Variants in GYG1 observed in about 807,000 individuals in gnomAD.
GYG1 encodes glycogenin-1.
In GYG1, 44 loss-of-function variants were observed where a neutral mutation model predicts 41.9. That is an observed-to-expected ratio of 1.05 (90% confidence interval 0.83 to 1.35). The LOEUF is 1.35. Among genes scored for constraint, GYG1 ranks in the 40% most tolerant of loss-of-function variants. The probability of loss-of-function intolerance (pLI) is 0.00; values close to 1 mark genes in which losing one functional copy is unlikely to be tolerated. For missense variants in GYG1, 429 were observed against 418.9 expected (o/e 1.02, Z -0.21); for synonymous variants, 141 against 158.1 (o/e 0.89, Z 0.81).
At chr3:149,016,204 T>C (rs1388162366) in intron 5 of GYG1, among the ~76,000 whole-genome samples, 1 of 134,410 alleles carries the variant, frequency 7.4e-6, no homozygotes, top group Non-Finnish European at 1.5e-5. Flanking sequence ...GAGCTTGCAG[T>C]GAGCCGAGAT....
chr3:149,002,066 C>T (rs565762378), intron 4 of GYG1, among the ~76,000 whole-genome samples: 6 of 152,296 alleles, frequency 3.9e-5, no homozygotes, highest in Non-Finnish European at 7.4e-5. Context: ...CACAGTTCAT[C>T]GTCTTGCAGT....
intron 4 of GYG1, among the ~76,000 whole-genome samples, chr3:149,003,112 TA>T (rs1033301791): frequency 7.9e-5 from 9 of 114,384 alleles, no homozygotes; most frequent in African/African-American, 3.1e-4. Flanking sequence ...TATTTTACTA[TA>T]ATTTTTTTTT....
intron 4 of GYG1, chr3:149,001,294 A>G (rs1713083336): frequency 6.6e-6 from 1 of 152,184 alleles, no homozygotes; most frequent in Admixed American, 6.5e-5. Context: ...GTTCTCTTGC[A>G]TTTGTGTCAT....
chr3:149,026,723 T>G, intron 7 of GYG1, 37 bp from the exon 8 acceptor site: 3 of 1,421,328 alleles, frequency 2.1e-6, no homozygotes, highest in Non-Finnish European at 3.0e-6. Flanking sequence ...AGTTTGATTT[T>G]CAGCTCTCAT....
chr3:148,998,757 T>C (rs1323175040), intron 4 of GYG1, among the ~76,000 whole-genome samples: 1 of 152,234 alleles, frequency 6.6e-6, no homozygotes, highest in African/African-American at 2.4e-5. Context: ...ATGTATTCCT[T>C]ATTTCTACTG....
rs1184250690 is a variant in GYG1, at chr3:149,027,377, G to C, written c.*444G>C. 1 of 193,772 alleles carries C rather than the reference G, an allele frequency of 5.2e-6. No homozygotes were observed. Among genetic ancestry groups the C allele is most frequent in the African/African-American group, 2.4e-5 (1 of 42,482 alleles). 12.0% of individuals were successfully genotyped at this position (193,772 alleles called of 1,614,324 possible). ...ATTGCCCAGTGCTGCCAGAGTGAGT[G>C]AGTGTAATTCTCCTTTCAGGTAAAG... On this transcript the variant is annotated 3_prime_UTR_variant, in exon 8 of 8. Coordinates refer to ENST00000345003, the MANE Select transcript of GYG1 (RefSeq NM_004130.4).
chr3:149,017,460 A>G (rs1469803690), intron 5 of GYG1, among the ~76,000 whole-genome samples: 1 of 151,390 alleles, frequency 6.6e-6, no homozygotes, highest in Non-Finnish European at 1.5e-5. Context: ...GAGTCAGTGA[A>G]TCTTATGGTT....
chr3:149,030,255 C>A lies in GYG1; in HGVS notation c.*3322C>A, dbSNP rs1191440374. 1 of 152,074 alleles carries A rather than the reference C, an allele frequency of 6.6e-6. No individual in the cohort carries two copies. Among genetic ancestry groups the A allele is most frequent in the African/African-American group, 2.4e-5 (1 of 41,412 alleles). The allele number at this position is 152,074 out of a possible 1,614,324, so 9.4% of individuals were successfully genotyped here. A position where few individuals can be genotyped will look rare whatever the true frequency, so the allele number is the denominator to read the frequency against. ...GTTATTTTTCTATATAATAATAAGA[C>A]AACAGCATAGCATATAGGAAGTTTT... On this transcript the variant is annotated 3_prime_UTR_variant, in exon 8 of 8. Transcript: ENST00000345003.
intron 5 of GYG1, among the ~76,000 whole-genome samples, chr3:149,021,398 G>T (rs1714366613): frequency 6.6e-6 from 1 of 152,214 alleles, no homozygotes; most frequent in African/African-American, 2.4e-5. Context: ...ATAAAATAAA[G>T]AGTAAGCTTG....
chr3:148,995,854 ACCTC>A (rs1712754098), intron 2 of GYG1, among the ~76,000 whole-genome samples: 1 of 152,174 alleles, frequency 6.6e-6, no homozygotes, highest in African/African-American at 2.4e-5. Flanking sequence ...GAAGTGTTGT[ACCTC>A]ACAAACCAAC....
In GYG1 at chr3:149,009,389, C is replaced by T. The variant is rs770754641; in HGVS notation, c.595C>T (p.Pro199Ser). 1.9e-5 allele frequency: 30 copies of T among 1,613,502 alleles called. No individual in the cohort carries two copies. Among genetic ancestry groups the T allele is most frequent in the South Asian group, 3.3e-5 (3 of 91,078 alleles). Residue 199 changes from proline (P) to serine (S), a missense_variant, in exon 5 of 8, where the codon CCG (proline) becomes TCG (serine). By Grantham distance (74) the Pro-to-Ser change is moderately conservative (BLOSUM62 -1). Coordinates refer to ENST00000345003, the MANE Select transcript of GYG1 (RefSeq NM_004130.4). ...LSSISIYSYL[P>S]AFKVFGASAK... ...CAGCATCTCTATATACTCCTACCTC[C>T]CGGCATTTAAAGTGTAAGTGCAGAT...
intron 5 of GYG1, among the ~76,000 whole-genome samples, chr3:149,013,920 CTT>C (rs1337373644): frequency 6.6e-6 from 1 of 152,186 alleles, no homozygotes; most frequent in Non-Finnish European, 1.5e-5. Context: ...TTGGGTCACT[CTT>C]TTTTTCCAGC....
intron 4 of GYG1, among the ~76,000 whole-genome samples, chr3:149,001,995 C>T (rs956816882): frequency 6.6e-5 from 10 of 152,138 alleles, no homozygotes; most frequent in African/African-American, 2.2e-4. Context: ...ATCTCTATTG[C>T]TACTGTTCCT....
rs1057235560 is a variant in GYG1 at position 149,026,758 on chromosome 3, A to G, written c.880-2A>G. On this transcript the variant is annotated splice_acceptor_variant, in intron 7 of 7. Coordinates refer to ENST00000345003, the MANE Select transcript of GYG1 (RefSeq NM_004130.4). LOFTEE classifies it high-confidence loss of function. Reference sequence around the variant, plus strand: ...TAGAGTCAATTATGCTTTCCTTTCTAGGAAGATGTCTCAGGAGCCATATCA... The same window carrying G: ...TAGAGTCAATTATGCTTTCCTTTCTGGGAAGATGTCTCAGGAGCCATATCA... The G allele has an allele frequency of 1.3e-5, 21 of 1,590,856 alleles. No homozygotes were observed. Among genetic ancestry groups the G allele is most frequent in the Non-Finnish European group, 1.6e-5 (19 of 1,159,050 alleles).
chr3:149,022,158 C>T (rs1714404256), intron 5 of GYG1, among the ~76,000 whole-genome samples: 1 of 152,184 alleles, frequency 6.6e-6, no homozygotes, highest in Non-Finnish European at 1.5e-5. Context: ...CCCACTGTTC[C>T]TATTTTTGCT....
Position 148,996,924 on chromosome 3 carries a change from ATGTC to A in GYG1, c.481+23_481+26del. 6.3e-7 allele frequency: 1 copy of A among 1,583,316 alleles called. No homozygotes were observed. Among genetic ancestry groups the A allele is most frequent in the Non-Finnish European group, 8.7e-7 (1 of 1,152,214 alleles). On this transcript the variant is annotated intron_variant, in intron 4 of 7. Transcript: ENST00000345003. ...TTGATGGTATGTATTTGCTATCTTCATGTCTGATAAGCTGTTAATAGTAATTTCT... is the reference window on the plus strand; with the variant it reads ...TTGATGGTATGTATTTGCTATCTTCATGATAAGCTGTTAATAGTAATTTCT...
intron 5 of GYG1, among the ~76,000 whole-genome samples, chr3:149,011,447 C>A (rs1381549533): frequency 6.6e-6 from 1 of 152,060 alleles, no homozygotes; most frequent in Non-Finnish European, 1.5e-5. Context: ...AATAGTATGA[C>A]CATTCCACTC....
In GYG1 at chr3:149,013,840, C is replaced by T. The variant is rs900044954; in HGVS notation, c.608+4438C>T. Among the ~76,000 whole-genome samples the T allele has an allele frequency of 5.3e-5, 8 of 152,258 alleles. No homozygotes were observed. The East Asian group carries it at 7.7e-4, about 15-fold the overall frequency. ...CCACGTAACTATTGTTATTGGAAGC[C>T]GTAGTCTATTTTCATTTCTTTTCAC... On this transcript the variant is annotated intron_variant, in intron 5 of 7. Transcript: ENST00000345003.
chr3:149,021,430 AT>A (rs1226434111), intron 5 of GYG1, among the ~76,000 whole-genome samples: 1 of 152,222 alleles, frequency 6.6e-6, no homozygotes, highest in African/African-American at 2.4e-5. Context: ...TATCCTCTTC[AT>A]TTATCAGAAG....
Sources: allele counts gnomAD v4.1 joint callset (sites outside exome capture counted in the v4.1 genomes callset), GRCh38; gene constraint gnomAD v4.1.1; transcripts MANE v1.5; gene names NCBI Gene and HGNC (gene_info 2026-07-23, HGNC 2026-07-21).